ADAMTS2: variants seen among roughly 807,000 people sequenced by gnomAD.
The protein encoded by ADAMTS2 is ADAM metallopeptidase with thrombospondin type 1 motif 2, also known as A disintegrin and metalloproteinase with thrombospondin motifs 2.
ADAMTS2 carries 50 observed loss-of-function variants against 123.0 expected under a neutral mutation model. That is an observed-to-expected ratio of 0.41 (90% confidence interval 0.32 to 0.51). The LOEUF is 0.51. Ranked by LOEUF, ADAMTS2 falls within the 20% of genes least tolerant of loss-of-function variation. The pLI is 0.35. For synonymous variants in ADAMTS2, 678 were observed against 695.4 expected, an observed-to-expected ratio of 0.98 and a Z score of 0.39; for missense variants, 1,494 against 1,705.2, an observed-to-expected ratio of 0.88 and a Z score of 2.18.
intron 3 of ADAMTS2, among the ~76,000 whole-genome samples, chr5:179,264,111 C>T (rs1766300292): frequency 6.6e-6 from 1 of 152,190 alleles, no homozygotes; most frequent in African/African-American, 2.4e-5. Context: ...TTCCTGTCCC[C>T]TTCAGATGTC....
Position 179,194,967 on chromosome 5 carries a change from C to T in ADAMTS2, c.891+12546G>A, listed in dbSNP as rs977495675. Among the ~76,000 whole-genome samples, 8 of 152,186 alleles carry T rather than the reference C, an allele frequency of 5.3e-5. No individual in the cohort carries two copies. The East Asian group carries it at 5.8e-4, about 11-fold the overall frequency. On this transcript the variant is annotated intron_variant, in intron 4 of 21. Transcript: ENST00000251582. ...ACAAGCTCCAGCAGGGCCCAATCTGCGCACTGCGATTCACGATGCGGCCAG... is the reference window on the plus strand; with the variant it reads ...ACAAGCTCCAGCAGGGCCCAATCTGTGCACTGCGATTCACGATGCGGCCAG...
chr5:179,291,335 G>T (rs917301224), intron 2 of ADAMTS2, among the ~76,000 whole-genome samples: 1 of 152,236 alleles, frequency 6.6e-6, no homozygotes, highest in Non-Finnish European at 1.5e-5. Context: ...TCTGTCACTG[G>T]TGCCCAGGGC....
intron 4 of ADAMTS2, among the ~76,000 whole-genome samples, chr5:179,193,899 T>A (rs1479770865): frequency 6.6e-6 from 1 of 152,128 alleles, no homozygotes. Flanking sequence ...GGGAGGGGCC[T>A]CAGGGAGTGA....
chr5:179,325,917 C>A (rs1389165418), intron 2 of ADAMTS2, among the ~76,000 whole-genome samples: 1 of 152,246 alleles, frequency 6.6e-6, no homozygotes, highest in Non-Finnish European at 1.5e-5. Flanking sequence ...GGAGCGAGGC[C>A]AGCCGCCTCT....
chr5:179,292,853 C>T (rs1756226998), intron 2 of ADAMTS2, among the ~76,000 whole-genome samples: 1 of 152,210 alleles, frequency 6.6e-6, no homozygotes, highest in African/African-American at 2.4e-5. Context: ...CCAAGGTACC[C>T]CATTTCCAGG....
chr5:179,326,795 G>A (rs140038169), intron 2 of ADAMTS2, among the ~76,000 whole-genome samples: 82 of 152,240 alleles, frequency 5.4e-4, no homozygotes, highest in African/African-American at 1.7e-3. Flanking sequence ...GTGTTGGAGC[G>A]AGATCGCGTC....
In ADAMTS2 at chr5:179,228,494, C is replaced by A. The variant is rs1480784912; in HGVS notation, c.689-20779G>T. The stretch of plus-strand genomic sequence containing the variant: ...CCCTGGCTCCTCCCTGCTCCACCTG[C>A]CATAGCCCAAAACCAGTGTGGGTGT... On this transcript the variant is annotated intron_variant, in intron 3 of 21. Transcript: ENST00000251582. This position sits in a 1 kb window ranked among gnomAD's most constrained non-coding sequence, Gnocchi z 5.2. Among the ~76,000 whole-genome samples, 1 of 152,216 alleles carries A rather than the reference C, an allele frequency of 6.6e-6. No individual in the cohort carries two copies. Among genetic ancestry groups the A allele is most frequent in the Non-Finnish European group, 1.5e-5 (1 of 68,040 alleles).
chr5:179,210,881 G>T (rs970673047), intron 3 of ADAMTS2, among the ~76,000 whole-genome samples: 1 of 152,244 alleles, frequency 6.6e-6, no homozygotes, highest in East Asian at 1.9e-4. Flanking sequence ...TGTCAATCAC[G>T]AGTGCCACCT....
Position 179,317,986 on chromosome 5 carries a change from CTG to C in ADAMTS2, c.534+25779_534+25780del, listed in dbSNP as rs1362670955. 6.6e-6 allele frequency among the ~76,000 whole-genome samples: 1 copy of C among 152,218 alleles called. No homozygotes were observed. Among genetic ancestry groups the C allele is most frequent in the Non-Finnish European group, 1.5e-5 (1 of 68,034 alleles). ...ACATGAGGAACGGGCAGTGATGAAT[CTG>C]AAGCCCTGCTGGTCAGCAGAGCCTC... is the stretch of plus-strand genomic sequence containing the variant. On this transcript the variant is annotated intron_variant, in intron 2 of 21. Transcript: ENST00000251582. The surrounding 1 kb of genome is among the most constrained non-coding windows in gnomAD (Gnocchi z 4.9).
At chr5:179,204,898 G>A (rs1003857932) in intron 4 of ADAMTS2, among the ~76,000 whole-genome samples, 5 of 152,192 alleles carry the variant, frequency 3.3e-5, no homozygotes, top group Admixed American at 1.3e-4. Context: ...CTGTCAACAC[G>A]TTTGCTGAAT....
At position 179,189,547 on chromosome 5, in the gene ADAMTS2, C is replaced by T. The variant is rs1378962047; in HGVS notation, c.892-8392G>A. 1.2e-5 allele frequency among the ~76,000 whole-genome samples: 1 copy of T among 81,312 alleles called. No individual in the cohort carries two copies. The allele number at this position is 81,312 out of a possible 152,430, so 53.3% of individuals were successfully genotyped here. ...TTTTTTTTTTTTTTTTTAGTAGAGGCAGGGTTTCACAATGTTAGCCAGGAT... is the reference window on the plus strand; with the variant it reads ...TTTTTTTTTTTTTTTTTAGTAGAGGTAGGGTTTCACAATGTTAGCCAGGAT... On this transcript the variant is annotated intron_variant, in intron 4 of 21. Coordinates refer to ENST00000251582, the MANE Select transcript of ADAMTS2 (RefSeq NM_014244.5). This position sits in a 1 kb window ranked among gnomAD's most constrained non-coding sequence, Gnocchi z 4.2.
chr5:179,296,397 G>T (rs1756333229), intron 2 of ADAMTS2, among the ~76,000 whole-genome samples: 1 of 152,162 alleles, frequency 6.6e-6, no homozygotes, highest in Non-Finnish European at 1.5e-5. Flanking sequence ...TCCCAAGGGG[G>T]GATGCTGCCT....
intron 2 of ADAMTS2, among the ~76,000 whole-genome samples, chr5:179,293,481 T>TG (rs1756244918): frequency 6.6e-6 from 1 of 152,242 alleles, no homozygotes; most frequent in South Asian, 2.1e-4. Flanking sequence ...GACTGGAGTG[T>TG]GCCAACGCCT....
intron 8 of ADAMTS2, 59 bp downstream of exon 8, chr5:179,153,990 T>C (rs1441872790): frequency 1.3e-6 from 2 of 1,559,558 alleles, no homozygotes; most frequent in Admixed American, 1.9e-5. Context: ...ACTTGCACCC[T>C]CCCAGAGCTG....
chr5:179,217,213 A>G (rs1055331927), intron 3 of ADAMTS2, among the ~76,000 whole-genome samples: 9 of 152,252 alleles, frequency 5.9e-5, no homozygotes, highest in Non-Finnish European at 1.2e-4. Context: ...TGATATCTAC[A>G]TAGATGGATG....
At chr5:179,338,923 G>T (rs1447246687) in intron 2 of ADAMTS2, among the ~76,000 whole-genome samples, 2 of 152,092 alleles carry the variant, frequency 1.3e-5, no homozygotes, top group Non-Finnish European at 2.9e-5. Flanking sequence ...ATCCTGGAAG[G>T]GTGGGGTCTG....
At position 179,159,900 on chromosome 5, in the gene ADAMTS2, C is replaced by T. The variant is rs192526656; in HGVS notation, c.976-1021G>A. ...ATTTCAAAAGCAAGGCTTCTGTGAG[C>T]GGCACCCTTCCTTTTTTCCTCCACA... On this transcript the variant is annotated intron_variant, in intron 5 of 21. Coordinates refer to ENST00000251582, the MANE Select transcript of ADAMTS2 (RefSeq NM_014244.5). Among the ~76,000 whole-genome samples the T allele has an allele frequency of 4.6e-5, 7 of 152,292 alleles. No homozygotes were observed. The Middle Eastern group carries it at 0.01, about 222-fold the overall frequency.
At chr5:179,136,084 G>A (rs1561772798) in intron 12 of ADAMTS2, 42 bp from the exon 13 acceptor site, 3 of 1,612,870 alleles carry the variant, frequency 1.9e-6, no homozygotes, top group Non-Finnish European at 2.5e-6. Context: ...AGCCCTGATG[G>A]CTTCCCCATG....
chr5:179,188,866 C>A lies in ADAMTS2; in HGVS notation c.892-7711G>T, dbSNP rs1287407231. 6.6e-6 allele frequency among the ~76,000 whole-genome samples: 1 copy of A among 152,170 alleles called. No homozygotes were observed. Among genetic ancestry groups the A allele is most frequent in the Non-Finnish European group, 1.5e-5 (1 of 68,038 alleles). The stretch of plus-strand genomic sequence containing the variant: ...GCAGGGTCTCAAGAGATGTGCTGCA[C>A]CCCTCAGTGTGGCACTCCAGCAGGC... On this transcript the variant is annotated intron_variant, in intron 4 of 21. Coordinates refer to ENST00000251582, the MANE Select transcript of ADAMTS2 (RefSeq NM_014244.5). This position sits in a 1 kb window ranked among gnomAD's most constrained non-coding sequence, Gnocchi z 5.1.
Sources: allele counts gnomAD v4.1 joint callset (sites outside exome capture counted in the v4.1 genomes callset), GRCh38; gene constraint gnomAD v4.1.1; non-coding constraint Gnocchi (gnomAD v3.1); transcripts MANE v1.5; gene names NCBI Gene and HGNC (gene_info 2026-07-23, HGNC 2026-07-21).